The following PCLO variants were observed in gnomAD, a reference collection of about 807,000 sequenced individuals.
PCLO encodes the protein protein piccolo.
PCLO carries 82 observed loss-of-function variants against 427.5 expected under a neutral mutation model. The ratio of observed to expected loss-of-function variants is 0.19; its 90% CI spans 0.16 to 0.23. The LOEUF (loss-of-function observed/expected upper bound fraction) is 0.23. Among genes scored for constraint, PCLO ranks in the 10% least tolerant of loss-of-function variants. PCLO has a pLI of 1.00. For synonymous variants in PCLO, 2,357 were observed against 2,155.4 expected (o/e 1.09, Z -2.59); for missense variants, 6,239 against 6,115.9 (o/e 1.02, Z -0.67).
chr7:83,031,489 T>G (rs1788663738), intron 3 of PCLO, among the ~76,000 whole-genome samples: 1 of 152,182 alleles, frequency 6.6e-6, no homozygotes. Context: ...ATATCCTGGA[T>G]GTAATATGGG....
intron 6 of PCLO, among the ~76,000 whole-genome samples, chr7:82,932,456 A>T (rs1012710314): frequency 1.8e-4 from 27 of 152,254 alleles, no homozygotes; most frequent in African/African-American, 6.5e-4. Flanking sequence ...TGAAGGACAA[A>T]TATATGGGAG....
chr7:83,087,942 C>T (rs769026810), intron 3 of PCLO, among the ~76,000 whole-genome samples: 5 of 152,022 alleles, frequency 3.3e-5, no homozygotes, highest in South Asian at 2.1e-4. Flanking sequence ...TATAAATTGC[C>T]GAATTGATTT....
chr7:82,839,201 G>T (rs1445091223), intron 14 of PCLO, among the ~76,000 whole-genome samples: 4 of 151,842 alleles, frequency 2.6e-5, no homozygotes, highest in African/African-American at 9.7e-5. Flanking sequence ...ATTTCAAAGG[G>T]CAAATCCATA....
At chr7:82,813,023 A>C (rs937401926) in intron 20 of PCLO, among the ~76,000 whole-genome samples, 3 of 151,700 alleles carry the variant, frequency 2.0e-5, no homozygotes, top group Non-Finnish European at 3.0e-5. Flanking sequence ...CATAATCCTG[A>C]AACTGTGAGA....
chr7:83,045,821 C>T (rs1469369378), intron 3 of PCLO, among the ~76,000 whole-genome samples: 2 of 152,022 alleles, frequency 1.3e-5, no homozygotes, highest in Non-Finnish European at 2.9e-5. Flanking sequence ...GGAATATCAC[C>T]AATGGGGATT....
chr7:82,886,973 T>C (rs1291168013), intron 9 of PCLO, among the ~76,000 whole-genome samples: 1 of 152,196 alleles, frequency 6.6e-6, no homozygotes, highest in Non-Finnish European at 1.5e-5. Flanking sequence ...TTTGTTTTTG[T>C]GCCAATATTA....
chr7:83,162,258 C>A, intron 1 of PCLO, 87 bp downstream of exon 1: 1 of 1,433,660 alleles, frequency 7.0e-7, no homozygotes, highest in South Asian at 1.4e-5. Flanking sequence ...CATATATGTA[C>A]CGCCGTGCTG....
At chr7:83,022,629 T>C (rs892518490) in intron 3 of PCLO, among the ~76,000 whole-genome samples, 3 of 152,210 alleles carry the variant, frequency 2.0e-5, no homozygotes, top group African/African-American at 7.2e-5. Flanking sequence ...ATGAAACAAA[T>C]AATTTACAAT....
Position 82,915,621 on chromosome 7 carries a change from T to A in PCLO, c.12365A>T (p.Lys4122Met). 1 of 1,613,562 alleles carries A rather than the reference T, an allele frequency of 6.2e-7. No homozygotes were observed. The highest frequency in any genetic ancestry group is 8.5e-7 in the Non-Finnish European group (1 of 1,179,698). ...EDPMEDPYEL[K>M]LLKHQIKQEF... Reference sequence around the variant, plus strand: ...CTGTTTAATCTGATGTTTCAGAAGCTTTAACTCGTAAGGATCCTCCATTGG... The same window carrying A: ...CTGTTTAATCTGATGTTTCAGAAGCATTAACTCGTAAGGATCCTCCATTGG... Residue 4122 changes from lysine to methionine, a missense_variant, in exon 7 of 25, where the codon AAG (lysine) becomes ATG (methionine). Lys to Met is a moderately conservative substitution (Grantham distance 95, BLOSUM62 -1). This residue lies in a region of PCLO where 680 missense variants were observed against 677.3 expected (regional missense o/e 1.00). Coordinates refer to ENST00000333891, the MANE Select transcript of PCLO (RefSeq NM_033026.6).
At chr7:82,898,733 G>A (rs1286552754) in intron 9 of PCLO, among the ~76,000 whole-genome samples, 1 of 151,176 alleles carries the variant, frequency 6.6e-6, no homozygotes, top group African/African-American at 2.4e-5. Context: ...CTGTGAACAT[G>A]AAAAAGAAAC....
intron 3 of PCLO, among the ~76,000 whole-genome samples, chr7:82,995,193 T>C (rs534125946): frequency 6.6e-6 from 1 of 152,084 alleles, no homozygotes; most frequent in South Asian, 2.1e-4. Context: ...TGAGGAGACA[T>C]GAAGGTCTAT....
In PCLO at chr7:83,095,759, C is replaced by T. The variant is rs756841835; in HGVS notation, c.3300+38491G>A. Among the ~76,000 whole-genome samples, 36 of 151,988 alleles carry T rather than the reference C, an allele frequency of 2.4e-4. No homozygotes were observed. The Middle Eastern group carries it at 0.01, about 43-fold the overall frequency. On this transcript the variant is annotated intron_variant, in intron 3 of 24. Coordinates refer to ENST00000333891, the MANE Select transcript of PCLO (RefSeq NM_033026.6). ...CCTGTTATCTTTCTATTACTAATTGCTAGTGTATTTCCATGTAGCTAGAGA... is the reference window on the plus strand; with the variant it reads ...CCTGTTATCTTTCTATTACTAATTGTTAGTGTATTTCCATGTAGCTAGAGA...
chr7:83,040,319 A>G (rs1788941688), intron 3 of PCLO, among the ~76,000 whole-genome samples: 1 of 152,136 alleles, frequency 6.6e-6, no homozygotes, highest in Admixed American at 6.6e-5. Flanking sequence ...ATCATAGGGC[A>G]CAGATTTTGT....
chr7:83,144,296 C>T (rs986526235), intron 2 of PCLO, among the ~76,000 whole-genome samples: 1 of 152,082 alleles, frequency 6.6e-6, no homozygotes, highest in Non-Finnish European at 1.5e-5. Flanking sequence ...TGGCACATGC[C>T]TGTAATCCCA....
chr7:82,850,574 C>T (rs561687539), intron 10 of PCLO, among the ~76,000 whole-genome samples: 5 of 152,102 alleles, frequency 3.3e-5, no homozygotes. Context: ...CATGTTATTT[C>T]TTGATCTATA....
In PCLO at chr7:82,954,275, A is replaced by C. The variant is rs767240529; in HGVS notation, c.6678T>G (p.Ile2226Met). 4 of 1,613,578 alleles carry C rather than the reference A, an allele frequency of 2.5e-6. No individual in the cohort carries two copies. The African/African-American group carries it at 4.0e-5, about 16-fold the overall frequency. Residue 2226 changes from isoleucine (I) to methionine (M), a missense_variant, in exon 5 of 25, where the codon ATT becomes ATG. By Grantham distance (10) the Ile-to-Met change is conservative. This residue lies in a region of PCLO where 4,677 missense variants were observed against 4,468.4 expected (regional missense o/e 1.05). Coordinates refer to ENST00000333891, the MANE Select transcript of PCLO (RefSeq NM_033026.6). ...TGCCTGGAAAATAAGTTGATGAAGA[A>C]ATTTCCTCAGAATCTTCAAATTTAG... ...MITKFEDSEE[I>M]SSSTYFPGSI...
chr7:82,872,551 G>C (rs1267288382), intron 10 of PCLO, among the ~76,000 whole-genome samples: 1 of 151,938 alleles, frequency 6.6e-6, no homozygotes, highest in Non-Finnish European at 1.5e-5. Context: ...AAACAAACTA[G>C]TTGAAGAAGC....
intron 3 of PCLO, among the ~76,000 whole-genome samples, chr7:83,051,849 A>G (rs1218177289): frequency 6.6e-6 from 1 of 152,138 alleles, no homozygotes; most frequent in African/African-American, 2.4e-5. Flanking sequence ...TTGGCAAGAA[A>G]GACGACTCAT....
intron 3 of PCLO, among the ~76,000 whole-genome samples, chr7:83,062,652 T>C (rs927717388): frequency 1.3e-5 from 2 of 152,164 alleles, no homozygotes; most frequent in African/African-American, 4.8e-5. Context: ...AATACCACCC[T>C]ATTTAACATC....
Sources: allele counts gnomAD v4.1 joint callset (sites outside exome capture counted in the v4.1 genomes callset), GRCh38; gene constraint gnomAD v4.1.1; regional missense constraint gnomAD v4.1.1; transcripts MANE v1.5; gene names NCBI Gene and HGNC (gene_info 2026-07-23, HGNC 2026-07-21).